SLC45A3: variants seen among roughly 807,000 people sequenced by gnomAD.
The protein encoded by SLC45A3 is solute carrier family 45 member 3, also known as prostate cancer associated protein 2.
In SLC45A3, 17 loss-of-function variants were observed where a neutral mutation model predicts 35.3. That is an observed-to-expected ratio of 0.48 (90% CI 0.33 to 0.72). The LOEUF is 0.72. Ranked by LOEUF, SLC45A3 falls within the 30% of genes least tolerant of loss-of-function variation. The probability of loss-of-function intolerance (pLI) is 0.02; values close to 1 mark genes in which losing one functional copy is unlikely to be tolerated. For missense variants in SLC45A3, 597 were observed against 731.7 expected (o/e 0.82, Z 2.12); for synonymous variants, 288 against 334.3 (o/e 0.86, Z 1.51).
chr1:205,662,469 G>A lies in SLC45A3; in HGVS notation c.959-343C>T, dbSNP rs1671044659. 5 of 1,290,236 alleles carry A rather than the reference G, an allele frequency of 3.9e-6. No individual in the cohort carries two copies. In the South Asian group the frequency reaches 9.8e-5, roughly 25 times the overall value. 79.9% of individuals were successfully genotyped at this position (1,290,236 alleles called of 1,614,324 possible). A position where few individuals can be genotyped will look rare whatever the true frequency, so the allele number is the denominator to read the frequency against. ...TAGGACGCCTGAGCTGGAAGGCGCT[G>A]GTGAGATTATTTGGAAAGTCGTTGG... On this transcript the variant is annotated intron_variant, in intron 3 of 4. Transcript: ENST00000367145. The surrounding 1 kb of genome is among the most constrained non-coding windows in gnomAD (Gnocchi z 6.2).
At chr1:205,667,368 A>G (rs1671136107) in intron 1 of SLC45A3, among the ~76,000 whole-genome samples, 1 of 152,140 alleles carries the variant, frequency 6.6e-6, no homozygotes, top group Non-Finnish European at 1.5e-5. Flanking sequence ...TTAGCTGGGC[A>G]TGGTGGCGTG....
At chr1:205,675,157 C>T (rs1298533557) in intron 1 of SLC45A3, among the ~76,000 whole-genome samples, 2 of 152,208 alleles carry the variant, frequency 1.3e-5, no homozygotes, top group African/African-American at 4.8e-5. Context: ...TTGGCCTCTC[C>T]GTTGCCAGAT....
intron 1 of SLC45A3, among the ~76,000 whole-genome samples, chr1:205,672,178 G>C (rs1317502289): frequency 6.6e-6 from 1 of 152,078 alleles, no homozygotes; most frequent in East Asian, 1.9e-4. Context: ...GGTTAGGGGA[G>C]ACCAAGTACA....
chr1:205,673,114 C>T (rs917759597), intron 1 of SLC45A3, among the ~76,000 whole-genome samples: 3 of 152,160 alleles, frequency 2.0e-5, no homozygotes, highest in Non-Finnish European at 2.9e-5. Flanking sequence ...CAAGGGTCAG[C>T]GGTCACCTGA....
At position 205,659,493 on chromosome 1, in the gene SLC45A3, A is replaced by C; in HGVS notation, c.1403T>G (p.Val468Gly). The C allele has an allele frequency of 6.2e-7, 1 of 1,613,806 alleles. No homozygotes were observed. Among genetic ancestry groups the C allele is most frequent in the Non-Finnish European group, 8.5e-7 (1 of 1,179,836 alleles). The change falls in exon 5 of 5, where the codon GTC (valine) becomes GGC (glycine). Residue 468 changes from valine to glycine, a missense_variant. Val to Gly is a moderately radical substitution (Grantham distance 109, BLOSUM62 -3). This residue lies in a region of SLC45A3 where 555 missense variants were observed against 664.9 expected (regional missense o/e 0.83). Coordinates refer to ENST00000367145, the MANE Select transcript of SLC45A3 (RefSeq NM_033102.3). The surrounding 1 kb of genome is among the most constrained non-coding windows in gnomAD (Gnocchi z 5.8). ...PALCGASACD[V>G]SVRVVVGEPT... Reference sequence around the variant, plus strand: ...CTCACCCACCACCACACGTACGGAGACATCACAGGCAGAGGCCCCGCAGAG... The same window carrying C: ...CTCACCCACCACCACACGTACGGAGCCATCACAGGCAGAGGCCCCGCAGAG...
At chr1:205,672,725 T>A (rs1243710660) in intron 1 of SLC45A3, among the ~76,000 whole-genome samples, 3 of 152,196 alleles carry the variant, frequency 2.0e-5, no homozygotes, top group Non-Finnish European at 4.4e-5. Context: ...CCACTTTTTT[T>A]AAGAGCTGTG....
Position 205,663,024 on chromosome 1 carries a change from A to T in SLC45A3, c.767T>A (p.Leu256Gln). ...ARLAFRNLGA[L>Q]LPRLHQLCCR... Reference sequence around the variant, plus strand: ...GCACAGCTGGTGCAGCCGGGGAAGCAGGGCGCCCAGGTTCCGGAAAGCCAA... The same window carrying T: ...GCACAGCTGGTGCAGCCGGGGAAGCTGGGCGCCCAGGTTCCGGAAAGCCAA... Residue 256 changes from leucine to glutamine, a missense_variant, in exon 3 of 5, where the codon CTG (leucine) becomes CAG (glutamine). Leu to Gln is a moderately radical substitution (Grantham distance 113). Coordinates refer to ENST00000367145, the MANE Select transcript of SLC45A3 (RefSeq NM_033102.3). 2 of 1,610,270 alleles carry T rather than the reference A, an allele frequency of 1.2e-6. No individual in the cohort carries two copies. The highest frequency in any genetic ancestry group is 1.7e-6 in the Non-Finnish European group (2 of 1,178,000).
chr1:205,679,837 C>T (rs1367416038), intron 1 of SLC45A3, among the ~76,000 whole-genome samples: 1 of 152,036 alleles, frequency 6.6e-6, no homozygotes, highest in African/African-American at 2.4e-5. Flanking sequence ...CCGGCCTGGG[C>T]CTGAGCACCC....
intron 1 of SLC45A3, 117 bp from the exon 2 acceptor site, chr1:205,665,003 T>A: frequency 9.9e-7 from 1 of 1,014,826 alleles, no homozygotes; most frequent in Non-Finnish European, 1.2e-6. Context: ...ACTGGCCCTG[T>A]CACCGAGGTG....
chr1:205,671,965 G>A (rs1671224599), intron 1 of SLC45A3, among the ~76,000 whole-genome samples: 1 of 152,182 alleles, frequency 6.6e-6, no homozygotes, highest in Admixed American at 6.5e-5. Flanking sequence ...ACTCTGCCGT[G>A]CGTCTTGATC....
chr1:205,668,849 CT>C (rs1671160196), intron 1 of SLC45A3, among the ~76,000 whole-genome samples: 1 of 152,152 alleles, frequency 6.6e-6, no homozygotes, highest in Non-Finnish European at 1.5e-5. Flanking sequence ...CTCTGGGAAC[CT>C]TTCTGGAGCT....
In SLC45A3 at chr1:205,664,985, G is replaced by A. The variant is rs2102404707; in HGVS notation, c.-230-99C>T. ...ATTGTCTGGATCCTGATCATTCACA[G>A]GCTGGCGACTGGCCCTGTCACCGAG... On this transcript the variant is annotated intron_variant, in intron 1 of 4. Transcript: ENST00000367145. This position sits in a 1 kb window ranked among gnomAD's most constrained non-coding sequence, Gnocchi z 5.3. 8.7e-7 allele frequency: 1 copy of A among 1,143,672 alleles called. No homozygotes were observed. The allele number at this position is 1,143,672 out of a possible 1,614,324, so 70.8% of individuals were successfully genotyped here.
At chr1:205,673,496 C>G (rs2102409197) in intron 1 of SLC45A3, among the ~76,000 whole-genome samples, 1 of 152,346 alleles carries the variant, frequency 6.6e-6, no homozygotes, top group African/African-American at 2.4e-5. Context: ...CAATCCTAGT[C>G]TTCCCTTTAG....
chr1:205,662,427 A>G lies in SLC45A3; in HGVS notation c.959-301T>C. The G allele has an allele frequency of 7.4e-7, 1 of 1,343,720 alleles. No homozygotes were observed. Among genetic ancestry groups the G allele is most frequent in the African/African-American group, 1.5e-5 (1 of 68,260 alleles). The allele number at this position is 1,343,720 out of a possible 1,614,324, so 83.2% of individuals were successfully genotyped here. Reference sequence around the variant, plus strand: ...AGGGAACACAAAGACAGCTGGCCATAGGCTTCAAGACGCTTCTAGGACGCC... The same window carrying G: ...AGGGAACACAAAGACAGCTGGCCATGGGCTTCAAGACGCTTCTAGGACGCC... On this transcript the variant is annotated intron_variant, in intron 3 of 4. Transcript: ENST00000367145. The surrounding 1 kb of genome is among the most constrained non-coding windows in gnomAD (Gnocchi z 6.2).
At chr1:205,670,454 G>A (rs1671191468) in intron 1 of SLC45A3, among the ~76,000 whole-genome samples, 1 of 152,158 alleles carries the variant, frequency 6.6e-6, no homozygotes. Context: ...GCTCCCAGGG[G>A]AACCTGAGGA....
intron 1 of SLC45A3, among the ~76,000 whole-genome samples, chr1:205,672,102 G>A (rs910039716): frequency 1.6e-4 from 25 of 152,030 alleles, no homozygotes; most frequent in African/African-American, 4.4e-4. Context: ...AGTTCCTGGC[G>A]GCCACTTCTT....
intron 1 of SLC45A3, among the ~76,000 whole-genome samples, chr1:205,675,232 A>G (rs1416863253): frequency 6.6e-6 from 1 of 152,212 alleles, no homozygotes; most frequent in African/African-American, 2.4e-5. Flanking sequence ...ACTATCAAAC[A>G]AGGCAGGTCA....
chr1:205,659,535 A>C lies in SLC45A3; in HGVS notation c.1361T>G (p.Leu454Arg). The C allele has an allele frequency of 6.2e-7, 1 of 1,609,024 alleles. No homozygotes were observed. The highest frequency in any genetic ancestry group is 8.5e-7 in the Non-Finnish European group (1 of 1,177,112). ...GHVGAGGSGL[L>R]PPPPALCGAS... ...CCCGCAGAGCGCGGGTGGAGGTGGG[A>C]GCAGGCCACTGCCTCCAGCACCCAC... The change falls in exon 5 of 5, where the codon CTC becomes CGC. Residue 454 changes from leucine (L) to arginine (R), a missense_variant. Physicochemically the swap from Leu to Arg is moderately radical, Grantham distance 102. Transcript: ENST00000367145. The surrounding 1 kb of genome is among the most constrained non-coding windows in gnomAD (Gnocchi z 5.8).
At position 205,669,411 on chromosome 1, in the gene SLC45A3, G is replaced by A. The variant is rs992001657; in HGVS notation, c.-230-4525C>T. On this transcript the variant is annotated intron_variant, in intron 1 of 4. Transcript: ENST00000367145. The surrounding 1 kb of genome is among the most constrained non-coding windows in gnomAD (Gnocchi z 4.1). Reference sequence around the variant, plus strand: ...TGGTAGCTCCCTAAGGGAAGGGAGGGTCAGAGGGGGATGTATAAAGAGGTC... The same window carrying A: ...TGGTAGCTCCCTAAGGGAAGGGAGGATCAGAGGGGGATGTATAAAGAGGTC... 6.6e-6 allele frequency among the ~76,000 whole-genome samples: 1 copy of A among 152,224 alleles called. No individual in the cohort carries two copies. The highest frequency in any genetic ancestry group is 1.5e-5 in the Non-Finnish European group (1 of 68,032).
Sources: gnomAD v4.1 joint callset for allele counts (sites outside exome capture counted in the v4.1 genomes callset) on GRCh38, gnomAD v4.1.1 for gene constraint, gnomAD v4.1.1 regional missense constraint, Gnocchi (gnomAD v3.1) non-coding constraint, MANE v1.5 for transcripts, NCBI Gene and HGNC (gene_info 2026-07-23, HGNC 2026-07-21) for gene names.